Variants in SAXO2 observed in about 807,000 individuals in gnomAD.
SAXO2 encodes the protein family with sequence similarity 154, member B.
SAXO2 carries 17 observed loss-of-function variants against 18.7 expected under a neutral mutation model. That is an observed-to-expected ratio of 0.91 (90% CI 0.62 to 1.36). The LOEUF is 1.36. SAXO2 is among the 40% of genes most tolerant of loss of function. The pLI, the probability that SAXO2 is intolerant of heterozygous loss-of-function variation, is 0.00. For synonymous variants in SAXO2, 163 were observed against 181.2 expected (o/e 0.90, Z 0.81); for missense variants, 486 against 562.6 (o/e 0.86, Z 1.38).
intron 2 of SAXO2, among the ~76,000 whole-genome samples, chr15:82,270,997 G>A (rs2075266059): frequency 6.6e-6 from 1 of 152,150 alleles, no homozygotes; most frequent in South Asian, 2.1e-4. Flanking sequence ...ATAGTACCCA[G>A]GTTGGCTGCG....
chr15:82,264,415 T>G (rs2075189971), intron 1 of SAXO2, among the ~76,000 whole-genome samples: 1 of 152,028 alleles, frequency 6.6e-6, no homozygotes, highest in East Asian at 1.9e-4. Context: ...GAGCATACTA[T>G]TCTACAATCC....
At chr15:82,271,885 T>C in intron 3 of SAXO2, 83 bp downstream of exon 3, 2 of 1,225,856 alleles carry the variant, frequency 1.6e-6, no homozygotes, top group Non-Finnish European at 2.3e-6. Flanking sequence ...ATTATAACTT[T>C]GGTGTGCTGC....
intron 2 of SAXO2, among the ~76,000 whole-genome samples, chr15:82,268,441 G>C (rs937054123): frequency 6.6e-6 from 1 of 152,170 alleles, no homozygotes; most frequent in African/African-American, 2.4e-5. Flanking sequence ...TAAAATATTT[G>C]TTTATTAAAG....
chr15:82,269,644 G>C (rs1309026528), intron 2 of SAXO2, among the ~76,000 whole-genome samples: 2 of 152,170 alleles, frequency 1.3e-5, no homozygotes, highest in East Asian at 3.9e-4. Flanking sequence ...GGGAGATGAG[G>C]GCAGGAATGA....
Position 82,271,696 on chromosome 15 carries a change from C to T in SAXO2, c.327C>T (p.Thr109=), listed in dbSNP as rs749858464. 5 of 1,614,056 alleles carry T rather than the reference C, an allele frequency of 3.1e-6. No individual in the cohort carries two copies. The South Asian group carries it at 4.4e-5, about 14-fold the overall frequency. The change falls in exon 3 of 4, where the codon ACC becomes ACT. Residue 109 remains threonine (T), a synonymous_variant. Transcript: ENST00000682753. The part of the protein sequence containing the change: ...PKQGKIDLGT[T]YKRDLNSYKV... ...AAGGGAAGATTGATCTTGGTACTACCTACAAACGGGATTTGAATTCGTATA... is the reference window on the plus strand; with the variant it reads ...AAGGGAAGATTGATCTTGGTACTACTTACAAACGGGATTTGAATTCGTATA...
At chr15:82,268,107 T>G (rs1246856362) in intron 2 of SAXO2, among the ~76,000 whole-genome samples, 1 of 152,214 alleles carries the variant, frequency 6.6e-6, no homozygotes, top group Non-Finnish European at 1.5e-5. Flanking sequence ...ATGAAGAAAT[T>G]GAATAACTGG....
rs141490897 is a variant in SAXO2, at chr15:82,263,385, T to C, written c.53+453T>C. 118 of 734,320 alleles carry C rather than the reference T, an allele frequency of 1.6e-4. No homozygotes were observed. In the African/African-American group the frequency reaches 1.7e-3, roughly 10 times the overall value. The allele number at this position is 734,320 out of a possible 1,614,324, so 45.5% of individuals were successfully genotyped here. ...TTTCTGTCCTCCCAGCCAGACCATA[T>C]TCCCATTCCCGTCCAGGCAGCAGTT... On this transcript the variant is annotated intron_variant, in intron 1 of 3. Transcript: ENST00000682753.
At chr15:82,273,098 G>T (rs935387477) in intron 3 of SAXO2, among the ~76,000 whole-genome samples, 4 of 151,594 alleles carry the variant, frequency 2.6e-5, no homozygotes, top group Non-Finnish European at 5.9e-5. Flanking sequence ...TAGAGATGGG[G>T]TTTCACCATG....
At chr15:82,267,300 A>G (rs2075228237) in intron 2 of SAXO2, among the ~76,000 whole-genome samples, 1 of 152,172 alleles carries the variant, frequency 6.6e-6, no homozygotes, top group Non-Finnish European at 1.5e-5. Flanking sequence ...GCAGGGAGGG[A>G]GCTTGCAGGT....
At chr15:82,271,258 G>A (rs779389931) in intron 2 of SAXO2, among the ~76,000 whole-genome samples, 1 of 152,012 alleles carries the variant, frequency 6.6e-6, no homozygotes, top group Non-Finnish European at 1.5e-5. Context: ...AACTTTTCAG[G>A]TTTAGTAAAT....
chr15:82,282,869 A>G lies in SAXO2; in HGVS notation c.1184A>G (p.Lys395Arg). 6.2e-7 allele frequency: 1 copy of G among 1,613,934 alleles called. No homozygotes were observed. Among genetic ancestry groups the G allele is most frequent in the Non-Finnish European group, 8.5e-7 (1 of 1,179,892 alleles). Residue 395 changes from lysine to arginine, a missense_variant, in exon 4 of 4, where the codon AAA becomes AGA. Coordinates refer to ENST00000682753, the MANE Select transcript of SAXO2 (RefSeq NM_001348699.2). ...GAATTGATCCCAACAGAGAGTTGCA[A>G]ACCTTTAAATATTGCTTTTAAGAGT... is the stretch of plus-strand genomic sequence containing the variant. ...PHELIPTESC[K>R]PLNIAFKSSV...
At position 82,282,617 on chromosome 15, in the gene SAXO2, G is replaced by A. The variant is rs2075374939; in HGVS notation, c.932G>A (p.Ser311Asn). 3.1e-6 allele frequency: 5 copies of A among 1,614,144 alleles called. No individual in the cohort carries two copies. In the Admixed American group the frequency reaches 8.3e-5, roughly 27 times the overall value. The change falls in exon 4 of 4, where the codon AGC becomes AAC. Residue 311 changes from serine (S) to asparagine (N), a missense_variant. Physicochemically the swap from Ser to Asn is conservative, Grantham distance 46. Coordinates refer to ENST00000682753, the MANE Select transcript of SAXO2 (RefSeq NM_001348699.2). ...GGTAGCATGCTGTTAAACAGCACAAGCCATCTTGACTATGTTCCATATCAG... is the reference window on the plus strand; with the variant it reads ...GGTAGCATGCTGTTAAACAGCACAAACCATCTTGACTATGTTCCATATCAG... ...PTGSMLLNST[S>N]HLDYVPYQAN...
At chr15:82,272,360 T>C (rs1286877369) in intron 3 of SAXO2, among the ~76,000 whole-genome samples, 1 of 152,202 alleles carries the variant, frequency 6.6e-6, no homozygotes, top group Non-Finnish European at 1.5e-5. Flanking sequence ...CAGAATTAGA[T>C]AGGCTTATCT....
chr15:82,265,821 T>C (rs1218801940), intron 2 of SAXO2, 73 bp downstream of exon 2: 1 of 1,213,580 alleles, frequency 8.2e-7, no homozygotes, highest in Non-Finnish European at 1.1e-6. Context: ...GTTTTCTAGC[T>C]ATTTAAATTG....
At chr15:82,275,139 T>C (rs2075303267) in intron 3 of SAXO2, among the ~76,000 whole-genome samples, 1 of 151,752 alleles carries the variant, frequency 6.6e-6, no homozygotes, top group African/African-American at 2.4e-5. Flanking sequence ...TGAACTTCTC[T>C]AGGTACACAA....
chr15:82,275,153 A>G (rs2075303335), intron 3 of SAXO2, among the ~76,000 whole-genome samples: 1 of 151,782 alleles, frequency 6.6e-6, no homozygotes. Flanking sequence ...TACACAAATT[A>G]GAAAGTCTAG....
At position 82,271,673 on chromosome 15, in the gene SAXO2, G is replaced by A. The variant is rs1484613785; in HGVS notation, c.304G>A (p.Gly102Arg). 1.2e-6 allele frequency: 2 copies of A among 1,613,830 alleles called. No homozygotes were observed. Among genetic ancestry groups the A allele is most frequent in the African/African-American group, 2.7e-5 (2 of 74,904 alleles). The change falls in exon 3 of 4, where the codon GGG (glycine) becomes AGG (arginine). Residue 102 changes from glycine to arginine, a missense_variant. Physicochemically the swap from Gly to Arg is moderately radical, Grantham distance 125. Coordinates refer to ENST00000682753, the MANE Select transcript of SAXO2 (RefSeq NM_001348699.2). ...HVPEEYKPKQ[G>R]KIDLGTTYKR... The stretch of plus-strand genomic sequence containing the variant: ...GCCAGAAGAATATAAACCAAAACAA[G>A]GGAAGATTGATCTTGGTACTACCTA...
chr15:82,275,499 G>A (rs1047838615), intron 3 of SAXO2, among the ~76,000 whole-genome samples: 1 of 151,784 alleles, frequency 6.6e-6, no homozygotes. Context: ...ACAGACCATG[G>A]TCCCTGAACA....
At chr15:82,263,779 T>C (rs2075169794) in intron 1 of SAXO2, among the ~76,000 whole-genome samples, 1 of 152,198 alleles carries the variant, frequency 6.6e-6, no homozygotes, top group Non-Finnish European at 1.5e-5. Flanking sequence ...TCCTAATTTA[T>C]ATTCAACGCA....
Sources: gnomAD v4.1 joint callset for allele counts (sites outside exome capture counted in the v4.1 genomes callset) on GRCh38, gnomAD v4.1.1 for gene constraint, MANE v1.5 for transcripts, NCBI Gene and HGNC (gene_info 2026-07-23, HGNC 2026-07-21) for gene names.